EEFSEC: variants seen among roughly 807,000 people sequenced by gnomAD.
EEFSEC encodes selenocysteine-specific elongation factor.
Under a neutral mutation model 42.1 loss-of-function variants are expected in EEFSEC, and 43 were observed. The ratio of observed to expected loss-of-function variants is 1.02; its 90% CI spans 0.80 to 1.32. EEFSEC has a LOEUF of 1.32. EEFSEC is among the 40% of genes most tolerant of loss of function. The pLI is 0.00. For missense variants in EEFSEC, 745 were observed against 803.6 expected (o/e 0.93, Z 0.88); for synonymous variants, 354 against 339.1 (o/e 1.04, Z -0.48).
chr3:128,350,545 C>G (rs1460022950), intron 5 of EEFSEC, among the ~76,000 whole-genome samples: 1 of 152,254 alleles, frequency 6.6e-6, no homozygotes, highest in Non-Finnish European at 1.5e-5. Flanking sequence ...CCCTGGTATT[C>G]TGGTCCCAGC....
intron 1 of EEFSEC, among the ~76,000 whole-genome samples, chr3:128,223,486 A>G (rs2065880072): frequency 6.6e-6 from 1 of 152,150 alleles, no homozygotes; most frequent in Non-Finnish European, 1.5e-5. Context: ...TGGGGACTGT[A>G]CCCTTAAGCT....
intron 1 of EEFSEC, among the ~76,000 whole-genome samples, chr3:128,222,439 G>A (rs935961246): frequency 2.0e-5 from 3 of 152,176 alleles, no homozygotes; most frequent in African/African-American, 4.8e-5. Context: ...TGTTACTCGG[G>A]TTAACTATTT....
chr3:128,423,980 G>T, the EEFSEC span, among the ~76,000 whole-genome samples: 2 of 152,192 alleles, frequency 1.3e-5, no homozygotes, highest in Non-Finnish European at 2.9e-5. Context: ...GCCTGGGGGG[G>T]TGATGGGGAG....
intron 1 of EEFSEC, among the ~76,000 whole-genome samples, chr3:128,156,164 C>A (rs1944378183): frequency 6.6e-6 from 1 of 152,244 alleles, no homozygotes; most frequent in African/African-American, 2.4e-5. Flanking sequence ...AGCTTGCTTT[C>A]TTCCTTAGCT....
chr3:128,312,491 G>C (rs2066900195), intron 4 of EEFSEC, among the ~76,000 whole-genome samples: 2 of 152,230 alleles, frequency 1.3e-5, no homozygotes, highest in African/African-American at 4.8e-5. Context: ...GCCTTTGTTT[G>C]GTGTGGGCAC....
intron 5 of EEFSEC, among the ~76,000 whole-genome samples, chr3:128,354,812 G>A (rs142758089): frequency 6.6e-6 from 1 of 152,336 alleles, no homozygotes; most frequent in Non-Finnish European, 1.5e-5. Context: ...AACGTGTTCT[G>A]AAAGGCTAAT....
At chr3:128,274,186 C>T (rs998986380) in intron 4 of EEFSEC, among the ~76,000 whole-genome samples, 1 of 152,214 alleles carries the variant, frequency 6.6e-6, no homozygotes, top group Non-Finnish European at 1.5e-5. Flanking sequence ...AGCAGGGCTT[C>T]GAGAGCAACT....
intron 1 of EEFSEC, among the ~76,000 whole-genome samples, chr3:128,232,567 G>C (rs9856329): frequency 6.6e-6 from 1 of 152,116 alleles, no homozygotes; most frequent in Non-Finnish European, 1.5e-5. Flanking sequence ...TGGTTAAAAT[G>C]GGGGGAAGGG....
intron 6 of EEFSEC, among the ~76,000 whole-genome samples, chr3:128,404,416 C>T (rs764906694): frequency 2.6e-5 from 4 of 152,360 alleles, no homozygotes; most frequent in South Asian, 4.1e-4. Flanking sequence ...AGAGCCATCG[C>T]GGGTGAGATG....
intron 1 of EEFSEC, among the ~76,000 whole-genome samples, chr3:128,200,031 G>A (rs150242590): frequency 9.4e-4 from 143 of 152,242 alleles, no homozygotes; most frequent in African/African-American, 3.2e-3. Flanking sequence ...ACCGTGCCCA[G>A]CCTAAAAATA....
At chr3:128,278,248 T>G (rs2066489174) in intron 4 of EEFSEC, among the ~76,000 whole-genome samples, 1 of 152,172 alleles carries the variant, frequency 6.6e-6, no homozygotes, top group Non-Finnish European at 1.5e-5. Context: ...TTGAGGTGGC[T>G]TGGATCAAGC....
intron 6 of EEFSEC, among the ~76,000 whole-genome samples, chr3:128,377,509 A>C (rs1212567119): frequency 2.6e-4 from 40 of 152,260 alleles, no homozygotes. Flanking sequence ...GTAAAAGCAC[A>C]TGCAACACTC....
At chr3:128,280,252 T>C (rs1170146511) in intron 4 of EEFSEC, among the ~76,000 whole-genome samples, 2 of 152,224 alleles carry the variant, frequency 1.3e-5, no homozygotes, top group Non-Finnish European at 2.9e-5. Flanking sequence ...AAGTGGAATT[T>C]AGAGGGCTGA....
chr3:128,425,020 CTG>C, the EEFSEC span, among the ~76,000 whole-genome samples: 1 of 152,156 alleles, frequency 6.6e-6, no homozygotes, highest in Non-Finnish European at 1.5e-5. Context: ...GTCTGCGACT[CTG>C]TGACTGGTTT....
intron 1 of EEFSEC, among the ~76,000 whole-genome samples, chr3:128,198,473 A>AT (rs1172900164): frequency 6.6e-6 from 1 of 152,224 alleles, no homozygotes; most frequent in Non-Finnish European, 1.5e-5. Flanking sequence ...ACACAACAAC[A>AT]TCTTCCATTT....
At chr3:128,366,119 T>C (rs761729078) in intron 6 of EEFSEC, among the ~76,000 whole-genome samples, 2 of 152,242 alleles carry the variant, frequency 1.3e-5, no homozygotes, top group Non-Finnish European at 2.9e-5. Context: ...TAGTATGGAC[T>C]GGGCCAGGCC....
intron 1 of EEFSEC, among the ~76,000 whole-genome samples, chr3:128,154,669 T>C (rs1020402620): frequency 6.6e-6 from 1 of 152,042 alleles, no homozygotes; most frequent in African/African-American, 2.4e-5. Context: ...CAGGCTGGTC[T>C]CAAACTCCTG....
the EEFSEC span, among the ~76,000 whole-genome samples, chr3:128,417,935 G>T: frequency 6.6e-6 from 1 of 151,980 alleles, no homozygotes; most frequent in South Asian, 2.1e-4. This position sits in a 1 kb window ranked among gnomAD's most constrained non-coding sequence, Gnocchi z 4.3. Context: ...CCCCCAGCCA[G>T]GACCCGGGGG....
At chr3:128,255,157 G>T (rs1243030389) in intron 2 of EEFSEC, among the ~76,000 whole-genome samples, 1 of 152,170 alleles carries the variant, frequency 6.6e-6, no homozygotes, top group Non-Finnish European at 1.5e-5. Flanking sequence ...CGGCCCACAA[G>T]GGGGCTGTGG....
Sources: allele counts gnomAD v4.1 joint callset (sites outside exome capture counted in the v4.1 genomes callset), GRCh38; gene constraint gnomAD v4.1.1; non-coding constraint Gnocchi (gnomAD v3.1); transcripts MANE v1.5; gene names NCBI Gene and HGNC (gene_info 2026-07-23, HGNC 2026-07-21).